The following RAB11FIP3 variants were observed in gnomAD, a reference collection of about 807,000 sequenced individuals.
The protein encoded by RAB11FIP3 is RAB11 family interacting protein 3.
Under a neutral mutation model 77.8 loss-of-function variants are expected in RAB11FIP3, and 17 were observed. The observed-to-expected ratio is 0.22, with a 90% CI of 0.15 to 0.33. The LOEUF (loss-of-function observed/expected upper bound fraction) is 0.33, where lower values mean the gene tolerates loss of function less well. Ranked by LOEUF, RAB11FIP3 falls within the 10% of genes least tolerant of loss-of-function variation. The probability of loss-of-function intolerance (pLI) is 1.00; values close to 1 mark genes in which losing one functional copy is unlikely to be tolerated. For synonymous variants in RAB11FIP3, 437 were observed against 448.2 expected (o/e 0.98, Z 0.31); for missense variants, 1,005 against 1,011.2 (o/e 0.99, Z 0.08).
At position 507,270 on chromosome 16, in the gene RAB11FIP3, G is replaced by T. The variant is rs1382401571; in HGVS notation, c.1499+1643G>T. Among the ~76,000 whole-genome samples the T allele has an allele frequency of 6.6e-6, 1 of 152,238 alleles. No individual in the cohort carries two copies. Among genetic ancestry groups the T allele is most frequent in the East Asian group, 1.9e-4 (1 of 5,188 alleles). ...GGGACTTGCAGGCATGCACCACCAC[G>T]CTGGGCTAATTTTTGTATTTTTAGT... On this transcript the variant is annotated intron_variant, in intron 8 of 13. Transcript: ENST00000262305. The surrounding 1 kb of genome is among the most constrained non-coding windows in gnomAD (Gnocchi z 4.6).
rs2030354690 is a variant in RAB11FIP3 at position 492,362 on chromosome 16, T to TCCCGGGAGACCCGAGGCCGTCCAGAGCCC, written c.1265+3362_1265+3363insCCCGGGAGACCCGAGGCCGTCCAGAGCCC. Among the ~76,000 whole-genome samples the TCCCGGGAGACCCGAGGCCGTCCAGAGCCC allele has an allele frequency of 7.4e-4, 47 of 63,666 alleles. 4 individuals carry two copies. Among genetic ancestry groups the TCCCGGGAGACCCGAGGCCGTCCAGAGCCC allele is most frequent in the African/African-American group, 3.2e-3 (41 of 12,698 alleles). The allele number at this position is 63,666 out of a possible 152,430, so 41.8% of individuals were successfully genotyped here. On this transcript the variant is annotated intron_variant, in intron 5 of 13. Transcript: ENST00000262305. The stretch of plus-strand genomic sequence containing the variant: ...GCAGAAGTGCTCTTTGAAGAGGGTC[T>TCCCGGGAGACCCGAGGCCGTCCAGAGCCC]TCCCGGGAGACCCGAGGCCGCCCAG...
intron 3 of RAB11FIP3, 122 bp from the exon 4 acceptor site, chr16:482,403 T>C: frequency 1.1e-6 from 1 of 903,730 alleles, no homozygotes; most frequent in East Asian, 2.5e-5. Flanking sequence ...CAGTTGGGAC[T>C]TCAGGCGTCA....
intron 5 of RAB11FIP3, among the ~76,000 whole-genome samples, chr16:493,379 G>T (rs2030777728): frequency 6.6e-6 from 1 of 152,142 alleles, no homozygotes; most frequent in Middle Eastern, 3.4e-3. Context: ...TCTGAATCTT[G>T]CGTTTTAGTT....
At position 426,497 on chromosome 16, in the gene RAB11FIP3, T is replaced by G. The variant is rs2054945881; in HGVS notation, c.491T>G (p.Phe164Cys). 6.3e-7 allele frequency: 1 copy of G among 1,578,674 alleles called. No homozygotes were observed. Among genetic ancestry groups the G allele is most frequent in the Non-Finnish European group, 8.6e-7 (1 of 1,163,582 alleles). ...ARGEVDVFSPFPAPTAGELAL... is the reference protein window; with the variant it reads ...ARGEVDVFSPCPAPTAGELAL... ...GGCGAGGTCGACGTCTTCTCTCCCT[T>G]CCCCGCGCCCACGGCGGGCGAGCTG... Residue 164 changes from phenylalanine to cysteine, a missense_variant, in exon 1 of 14, where the codon TTC (phenylalanine) becomes TGC (cysteine). Physicochemically the swap from Phe to Cys is radical, Grantham distance 205. Coordinates refer to ENST00000262305, the MANE Select transcript of RAB11FIP3 (RefSeq NM_014700.4). The surrounding 1 kb of genome is among the most constrained non-coding windows in gnomAD (Gnocchi z 5.0).
intron 6 of RAB11FIP3, chr16:497,397 T>A: frequency 7.8e-7 from 1 of 1,282,116 alleles, no homozygotes; most frequent in Non-Finnish European, 1.0e-6. Flanking sequence ...GTTAAGGCCC[T>A]TCCCAGGGAG....
chr16:439,593 T>C (rs181541666), intron 1 of RAB11FIP3, among the ~76,000 whole-genome samples: 7 of 152,312 alleles, frequency 4.6e-5, no homozygotes, highest in Non-Finnish European at 2.9e-5. Flanking sequence ...TCAGTTAGTT[T>C]AGAATGTTTA....
At chr16:458,852 T>G (rs977097584) in intron 1 of RAB11FIP3, among the ~76,000 whole-genome samples, 1 of 152,214 alleles carries the variant, frequency 6.6e-6, no homozygotes, top group Admixed American at 6.5e-5. Flanking sequence ...TTTTCTCTTT[T>G]GCTGTTCTTG....
In RAB11FIP3 at chr16:518,984, G is replaced by A. The variant is rs763798477; in HGVS notation, c.1682G>A (p.Cys561Tyr). ...LDEENSELRSCTPCLKANIER... is the reference protein window; with the variant it reads ...LDEENSELRSYTPCLKANIER... ...GAGGAGAACAGTGAACTCCGGTCCTGCACGCCCTGTCTGAAGGCCAACATT... is the reference window on the plus strand; with the variant it reads ...GAGGAGAACAGTGAACTCCGGTCCTACACGCCCTGTCTGAAGGCCAACATT... Residue 561 changes from cysteine (C) to tyrosine (Y), a missense_variant, in exon 10 of 14, where the codon TGC becomes TAC. This residue lies in a region of RAB11FIP3 where 433 missense variants were observed against 436.1 expected (regional missense o/e 0.99). Coordinates refer to ENST00000262305, the MANE Select transcript of RAB11FIP3 (RefSeq NM_014700.4). The A allele has an allele frequency of 6.2e-7, 1 of 1,613,686 alleles. No individual in the cohort carries two copies. Among genetic ancestry groups the A allele is most frequent in the South Asian group, 1.1e-5 (1 of 91,086 alleles).
At chr16:434,790 G>A (rs1444087691) in intron 1 of RAB11FIP3, among the ~76,000 whole-genome samples, 1 of 152,124 alleles carries the variant, frequency 6.6e-6, no homozygotes, top group Non-Finnish European at 1.5e-5. Flanking sequence ...ATGGCCGGAC[G>A]CAGTGGCTCA....
At position 458,408 on chromosome 16, in the gene RAB11FIP3, C is replaced by T. The variant is rs533464080; in HGVS notation, c.715-2996C>T. ...ACCACAGGGCCTAGGGGGCCTTCCT[C>T]GGGTTCACCGATGCCCACAGGGCCT... On this transcript the variant is annotated intron_variant, in intron 1 of 13. Coordinates refer to ENST00000262305, the MANE Select transcript of RAB11FIP3 (RefSeq NM_014700.4). 9.0e-4 allele frequency among the ~76,000 whole-genome samples: 137 copies of T among 151,778 alleles called. 1 individual carries two copies. Among genetic ancestry groups the T allele is most frequent in the Non-Finnish European group, 1.2e-3 (80 of 67,760 alleles).
At chr16:520,058 G>C in intron 11 of RAB11FIP3, 64 bp from the exon 12 acceptor site, 7 of 1,538,002 alleles carry the variant, frequency 4.6e-6, no homozygotes, top group Non-Finnish European at 5.3e-6. Context: ...CTACAGCCAA[G>C]TGATGGCTGA....
chr16:456,424 A>G (rs1320718491), intron 1 of RAB11FIP3, among the ~76,000 whole-genome samples: 1 of 149,540 alleles, frequency 6.7e-6, no homozygotes, highest in African/African-American at 2.5e-5. Flanking sequence ...TGAGTGACAG[A>G]GTGAGACCCT....
At chr16:492,005 T>C (rs979893038) in intron 5 of RAB11FIP3, among the ~76,000 whole-genome samples, 33 of 152,172 alleles carry the variant, frequency 2.2e-4, no homozygotes, top group Admixed American at 1.8e-3. Flanking sequence ...TTTGTAAAGG[T>C]GGCAGAAAGG....
chr16:496,363 G>C (rs1407187086), intron 5 of RAB11FIP3, among the ~76,000 whole-genome samples: 1 of 152,256 alleles, frequency 6.6e-6, no homozygotes, highest in Non-Finnish European at 1.5e-5. Context: ...TTTCCAAACT[G>C]ATGCCTAGGC....
At chr16:486,085 G>T (rs1269802209) in intron 4 of RAB11FIP3, among the ~76,000 whole-genome samples, 1 of 152,072 alleles carries the variant, frequency 6.6e-6, no homozygotes, top group Non-Finnish European at 1.5e-5. Flanking sequence ...TGTATTTTTG[G>T]TAGAGATAGG....
At chr16:454,461 C>T (rs1473084721) in intron 1 of RAB11FIP3, among the ~76,000 whole-genome samples, 1 of 152,164 alleles carries the variant, frequency 6.6e-6, no homozygotes, top group Non-Finnish European at 1.5e-5. Context: ...CCTCTAGTCC[C>T]AGCTACTCAG....
intron 9 of RAB11FIP3, among the ~76,000 whole-genome samples, chr16:512,475 C>G (rs938204428): frequency 6.6e-6 from 1 of 151,150 alleles, no homozygotes; most frequent in Admixed American, 6.6e-5. Context: ...CTCCTGACCT[C>G]GTGATCCACC....
rs759876349 is a variant in RAB11FIP3 at position 505,498 on chromosome 16, C to A, written c.1396-26C>A. 1.9e-6 allele frequency: 3 copies of A among 1,585,876 alleles called. No individual in the cohort carries two copies. The highest frequency in any genetic ancestry group is 1.7e-6 in the Non-Finnish European group (2 of 1,165,824). On this transcript the variant is annotated intron_variant, in intron 7 of 13. Coordinates refer to ENST00000262305, the MANE Select transcript of RAB11FIP3 (RefSeq NM_014700.4). The surrounding 1 kb of genome is among the most constrained non-coding windows in gnomAD (Gnocchi z 4.0). ...GGCCCTTCTGCTTCTGGCTGCCTGACCCTGAAGCCTGGTCTCATTGCCAAG... is the reference window on the plus strand; with the variant it reads ...GGCCCTTCTGCTTCTGGCTGCCTGAACCTGAAGCCTGGTCTCATTGCCAAG...
At chr16:434,155 A>G (rs184600032) in intron 1 of RAB11FIP3, among the ~76,000 whole-genome samples, 130 of 152,258 alleles carry the variant, frequency 8.5e-4, no homozygotes, top group Middle Eastern at 6.8e-3. Flanking sequence ...AGAGTTCACT[A>G]TTGTTGGCTA....
Sources: allele counts gnomAD v4.1 joint callset (sites outside exome capture counted in the v4.1 genomes callset), GRCh38; gene constraint gnomAD v4.1.1; regional missense constraint gnomAD v4.1.1; non-coding constraint Gnocchi (gnomAD v3.1); transcripts MANE v1.5; gene names NCBI Gene and HGNC (gene_info 2026-07-23, HGNC 2026-07-21).